Variants in GIGYF1 observed in about 807,000 individuals in gnomAD.
GIGYF1 encodes the protein GRB10-interacting GYF protein 1.
A neutral mutation model predicts 147.1 loss-of-function variants in GIGYF1; 84 were observed. The ratio of observed to expected loss-of-function variants is 0.57; its 90% CI spans 0.48 to 0.68. The LOEUF (loss-of-function observed/expected upper bound fraction) is 0.68, where lower values mean the gene tolerates loss of function less well. Among genes scored for constraint, GIGYF1 ranks in the 30% least tolerant of loss-of-function variants. The probability of loss-of-function intolerance (pLI) is 0.00; values close to 1 mark genes in which losing one functional copy is unlikely to be tolerated. For missense variants in GIGYF1, 1,485 were observed against 1,393.7 expected, an observed-to-expected ratio of 1.07 and a Z score of -1.04; for synonymous variants, 752 against 589.5, an observed-to-expected ratio of 1.28 and a Z score of -3.99.
At chr7:100,688,423 G>T (rs1805582242) in intron 3 of GIGYF1, 28 bp downstream of exon 3, 1 of 697,894 alleles carries the variant, frequency 1.4e-6, no homozygotes, top group East Asian at 2.7e-5. Flanking sequence ...ACTAGCTGGT[G>T]GGTCACCTGG....
rs199822506 is a variant in GIGYF1, at chr7:100,682,012, G to T, written c.2926-19C>A. 4 of 1,609,860 alleles carry T rather than the reference G, an allele frequency of 2.5e-6. No individual in the cohort carries two copies. The highest frequency in any genetic ancestry group is 1.7e-5 in the Admixed American group (1 of 60,000). ...ATGCCTCCTAAGGCAGCGGAGAGGAGGGTGAAGGTCAGGAGGCACCAGGCA... is the reference window on the plus strand; with the variant it reads ...ATGCCTCCTAAGGCAGCGGAGAGGATGGTGAAGGTCAGGAGGCACCAGGCA... On this transcript the variant is annotated intron_variant, in intron 25 of 26. Coordinates refer to ENST00000678049, the MANE Select transcript of GIGYF1 (RefSeq NM_001375765.1).
At chr7:100,687,173 G>C (rs773729082) in intron 8 of GIGYF1, 125 bp downstream of exon 8, 12 of 1,467,192 alleles carry the variant, frequency 8.2e-6, no homozygotes, top group Non-Finnish European at 1.1e-5. Context: ...CGAAACCAGG[G>C]GTCAGGAGCA....
At position 100,684,790 on chromosome 7, in the gene GIGYF1, A is replaced by C; in HGVS notation, c.1395T>G (p.Thr465=). The C allele has an allele frequency of 1.9e-6, 3 of 1,611,714 alleles. No homozygotes were observed. Among genetic ancestry groups the C allele is most frequent in the Non-Finnish European group, 1.7e-6 (2 of 1,179,266 alleles). Residue 465 remains threonine (T), a synonymous_variant, in exon 15 of 27, where the codon ACT becomes ACG. Transcript: ENST00000678049. ...TQGLRHSAAA[T]ALPLSHGAAR... ...CAGCCCCATGGCTGAGCGGGAGGGC[A>C]GTGGCGGCTGCAGAGTGGCGCAGGC...
intron 3 of GIGYF1, 22 bp downstream of exon 3, chr7:100,688,429 C>T (rs931163852): frequency 1.0e-4 from 72 of 700,958 alleles, no homozygotes; most frequent in South Asian, 4.1e-4. Context: ...TGGTGGGTCA[C>T]CTGGGGTCTA....
chr7:100,688,712 A>T lies in GIGYF1; in HGVS notation c.-255T>A. 2.8e-6 allele frequency: 1 copy of T among 354,416 alleles called. No homozygotes were observed. The highest frequency in any genetic ancestry group is 2.1e-5 in the South Asian group (1 of 47,098). The allele number at this position is 354,416 out of a possible 1,614,324, so 22.0% of individuals were successfully genotyped here. The stretch of plus-strand genomic sequence containing the variant: ...CCTGGGAGGGACCTTCACATCTGGG[A>T]AAGACCCTTAAGGAGAGCAGGGGGG... On this transcript the variant is annotated 5_prime_UTR_variant, in exon 2 of 27. Coordinates refer to ENST00000678049, the MANE Select transcript of GIGYF1 (RefSeq NM_001375765.1).
At position 100,683,174 on chromosome 7, in the gene GIGYF1, C is replaced by T. The variant is rs1804960812; in HGVS notation, c.2250G>A (p.Val750=). 12 of 1,605,062 alleles carry T rather than the reference C, an allele frequency of 7.5e-6. No individual in the cohort carries two copies. Among genetic ancestry groups the T allele is most frequent in the Non-Finnish European group, 1.0e-5 (12 of 1,178,968 alleles). ...GGGGCGGGGAGCTGGGTGCGGGGGG[C>T]ACAGGGACCGCCTGCTGCTGCTGTA... The part of the protein sequence containing the change: ...KLLQQQQAVP[V]PPAPSSPPPL... Residue 750 remains valine (V), a synonymous_variant, in exon 22 of 27, where the codon GTG becomes GTA. Transcript: ENST00000678049.
In GIGYF1 at chr7:100,682,292, CCGCCCACCTCCTGGGAGCCGCT is replaced by C; in HGVS notation, c.2761+8_2761+29del. 1 of 1,608,698 alleles carries C rather than the reference CCGCCCACCTCCTGGGAGCCGCT, an allele frequency of 6.2e-7. No homozygotes were observed. Among genetic ancestry groups the C allele is most frequent in the Non-Finnish European group, 8.5e-7 (1 of 1,178,784 alleles). ...CTGGCCGGGTCTGGAGACCCAGGTC[CCGCCCACCTCCTGGGAGCCGCT>C]CGCCCACCGTCCAGGCTGCCCGTGG... On this transcript the variant is annotated splice_region_variant and intron_variant, in intron 24 of 26. Coordinates refer to ENST00000678049, the MANE Select transcript of GIGYF1 (RefSeq NM_001375765.1).
rs1805517605 is a variant in GIGYF1 at position 100,687,797 on chromosome 7, C to T, written c.252G>A (p.Glu84=). The T allele has an allele frequency of 6.2e-7, 1 of 1,612,594 alleles. No homozygotes were observed. The highest frequency in any genetic ancestry group is 8.5e-7 in the Non-Finnish European group (1 of 1,179,918). ...CCTGGCCCGGTCCCACCTGTTCCTC[C>T]TCAGTCAGCGGCTCCAGAGCCAGGG... is the stretch of plus-strand genomic sequence containing the variant. The part of the protein sequence containing the change: ...LQPLALEPLT[E]EEQRNFSLSV... The change falls in exon 6 of 27, where the codon GAG becomes GAA. Residue 84 remains glutamate, a synonymous_variant. Transcript: ENST00000678049.
At chr7:100,692,507 T>C (rs1805904381) in intron 1 of GIGYF1, among the ~76,000 whole-genome samples, 1 of 152,180 alleles carries the variant, frequency 6.6e-6, no homozygotes, top group Non-Finnish European at 1.5e-5. Context: ...TTGAAGCCAT[T>C]TTACATTTGT....
At chr7:100,683,655 G>A (rs1805018485) in intron 19 of GIGYF1, 23 bp from the exon 20 acceptor site, 1 of 1,608,992 alleles carries the variant, frequency 6.2e-7, no homozygotes, top group Non-Finnish European at 8.5e-7. Context: ...GGGGGGCAGA[G>A]GCGGCTGCAG....
chr7:100,680,529 A>G lies in GIGYF1; in HGVS notation c.*1190T>C, dbSNP rs1804642721. The stretch of plus-strand genomic sequence containing the variant: ...AACCTTACCCAACGGTAAAAAGCGC[A>G]TCATATCAGACCCGGAAGGCCACCT... On this transcript the variant is annotated 3_prime_UTR_variant, in exon 27 of 27. Transcript: ENST00000678049. The G allele has an allele frequency of 6.6e-6, 1 of 152,592 alleles. No individual in the cohort carries two copies. Among genetic ancestry groups the G allele is most frequent in the Non-Finnish European group, 1.5e-5 (1 of 68,072 alleles). The allele number at this position is 152,592 out of a possible 1,614,324, so 9.5% of individuals were successfully genotyped here.
At position 100,684,626 on chromosome 7, in the gene GIGYF1, G is replaced by A. The variant is rs778574674; in HGVS notation, c.1463-10C>T. The A allele has an allele frequency of 6.2e-7, 1 of 1,614,014 alleles. No individual in the cohort carries two copies. The highest frequency in any genetic ancestry group is 1.1e-5 in the South Asian group (1 of 91,082). On this transcript the variant is annotated splice_polypyrimidine_tract_variant and intron_variant, in intron 15 of 26. Transcript: ENST00000678049. ...TGTGTCGTGAAGGGGCCTGGACAGG[G>A]AGCGAGGGAGCGGGAGAACCACTGG...
At position 100,684,101 on chromosome 7, in the gene GIGYF1, G is replaced by A. The variant is rs769494936; in HGVS notation, c.1787C>T (p.Pro596Leu). ...REKAALGDLTPPPPPPPQQQQ... is the reference protein window; with the variant it reads ...REKAALGDLTLPPPPPPQQQQ... ...CTGCTGTGGCGGCGGCGGTGGTGGC[G>A]GTGTCAGGTCCCCCAGAGCTGCCTT... is the stretch of plus-strand genomic sequence containing the variant. The change falls in exon 18 of 27, where the codon CCG (proline) becomes CTG (leucine). Residue 596 changes from proline (P) to leucine (L), a missense_variant. Transcript: ENST00000678049. 6.2e-6 allele frequency: 10 copies of A among 1,607,360 alleles called. No homozygotes were observed. The highest frequency in any genetic ancestry group is 4.5e-5 in the East Asian group (2 of 44,860).
At chr7:100,693,333 T>C (rs1805972740) in intron 1 of GIGYF1, among the ~76,000 whole-genome samples, 1 of 151,870 alleles carries the variant, frequency 6.6e-6, no homozygotes, top group Non-Finnish European at 1.5e-5. Context: ...GTGAGAGCTG[T>C]GGCCAGGGAG....
At chr7:100,693,554 C>T (rs1805989185) in intron 1 of GIGYF1, among the ~76,000 whole-genome samples, 1 of 152,162 alleles carries the variant, frequency 6.6e-6, no homozygotes, top group Non-Finnish European at 1.5e-5. Flanking sequence ...TCCATGTTGG[C>T]CAAAGTCGTG....
At position 100,686,064 on chromosome 7, in the gene GIGYF1, G is replaced by A; in HGVS notation, c.964C>T (p.Pro322Ser). The A allele has an allele frequency of 6.2e-7, 1 of 1,612,482 alleles. No homozygotes were observed. Among genetic ancestry groups the A allele is most frequent in the Non-Finnish European group, 8.5e-7 (1 of 1,179,910 alleles). Residue 322 changes from proline (P) to serine (S), a missense_variant, in exon 12 of 27, where the codon CCC becomes TCC. Physicochemically the swap from Pro to Ser is moderately conservative, Grantham distance 74. Coordinates refer to ENST00000678049, the MANE Select transcript of GIGYF1 (RefSeq NM_001375765.1). ...TCCAGCTCCTGCTCCTCAGGAATGGGCTCCTTGGGGCCCTTCTGCATGGGG... is the reference window on the plus strand; with the variant it reads ...TCCAGCTCCTGCTCCTCAGGAATGGACTCCTTGGGGCCCTTCTGCATGGGG... ...FLPLKKGPKE[P>S]IPEEQELDFQ...
In GIGYF1 at chr7:100,682,048, AGCTGCTGGTGCCGGCTGCCTCACCT is replaced by A. The variant is rs2131366840; in HGVS notation, c.2924_2925+23del. ...AGGAGGCACCAGGCAAGCCCACCCC[AGCTGCTGGTGCCGGCTGCCTCACCT>A]GCTGCTGCTGCCGCTGCTGGCTGGC... On this transcript the variant is annotated splice_donor_variant and splice_donor_5th_base_variant and coding_sequence_variant and intron_variant, in exon 25 of 27. Transcript: ENST00000678049. LOFTEE classifies it high-confidence loss of function. The A allele has an allele frequency of 6.2e-7, 1 of 1,611,884 alleles. No homozygotes were observed. Among genetic ancestry groups the A allele is most frequent in the Non-Finnish European group, 8.5e-7 (1 of 1,179,728 alleles).
At position 100,687,284 on chromosome 7, in the gene GIGYF1, C is replaced by A; in HGVS notation, c.482+14G>T. On this transcript the variant is annotated intron_variant, in intron 8 of 26. Coordinates refer to ENST00000678049, the MANE Select transcript of GIGYF1 (RefSeq NM_001375765.1). ...GCCTGCCCGGCTCTGCGCCATGCCC[C>A]CTCCCCGCCCCACCTGTCATCCCAG... The A allele has an allele frequency of 6.2e-7, 1 of 1,609,406 alleles. No individual in the cohort carries two copies. Among genetic ancestry groups the A allele is most frequent in the Non-Finnish European group, 8.5e-7 (1 of 1,177,294 alleles).
intron 1 of GIGYF1, among the ~76,000 whole-genome samples, chr7:100,691,314 C>A (rs1345686109): frequency 6.6e-6 from 1 of 152,178 alleles, no homozygotes; most frequent in African/African-American, 2.4e-5. Context: ...TGCTGAGACA[C>A]CCTCCTCTGC....
Sources: allele counts gnomAD v4.1 joint callset (sites outside exome capture counted in the v4.1 genomes callset), GRCh38; gene constraint gnomAD v4.1.1; transcripts MANE v1.5; gene names NCBI Gene and HGNC (gene_info 2026-07-23, HGNC 2026-07-21).